NCSTN: variants seen among roughly 807,000 people sequenced by gnomAD.
NCSTN encodes the protein anterior pharynx-defective 2.
Under a neutral mutation model 87.0 loss-of-function variants are expected in NCSTN, and 22 were observed. The ratio of observed to expected loss-of-function variants is 0.25; its 90% confidence interval spans 0.18 to 0.36. NCSTN has a LOEUF of 0.36. Ranked by LOEUF, NCSTN falls within the 10% of genes least tolerant of loss-of-function variation. The probability of loss-of-function intolerance (pLI) is 1.00; values close to 1 mark genes in which losing one functional copy is unlikely to be tolerated. For missense variants in NCSTN, 693 were observed against 883.3 expected (o/e 0.78, Z 2.73); for synonymous variants, 306 against 327.1 (o/e 0.94, Z 0.69).
Position 160,358,426 on chromosome 1 carries a change from A to T in NCSTN, c.*155A>T. 1 of 1,005,254 alleles carries T rather than the reference A, an allele frequency of 9.9e-7. No homozygotes were observed. Among genetic ancestry groups the T allele is most frequent in the Non-Finnish European group, 1.5e-6 (1 of 661,368 alleles). 62.3% of individuals were successfully genotyped at this position (1,005,254 alleles called of 1,614,324 possible). On this transcript the variant is annotated 3_prime_UTR_variant, in exon 17 of 17. Coordinates refer to ENST00000294785, the MANE Select transcript of NCSTN (RefSeq NM_015331.3). ...GTGGAACTATCCAAAAGAGACAGGGAGAAATAAATAAATTGCCTCCCTTCC... is the reference window on the plus strand; with the variant it reads ...GTGGAACTATCCAAAAGAGACAGGGTGAAATAAATAAATTGCCTCCCTTCC...
At position 160,350,213 on chromosome 1, in the gene NCSTN, T is replaced by G; in HGVS notation, c.545T>G (p.Leu182Arg). ...GAAGACTTTAGTTTCCCCATCTTTC[T>G]TCTTGAAGATGAAAATGAAACCAAA... ...AYEDFSFPIF[L>R]LEDENETKVI... The change falls in exon 5 of 17, where the codon CTT becomes CGT. Residue 182 changes from leucine to arginine, a missense_variant. Transcript: ENST00000294785. 1 of 1,614,182 alleles carries G rather than the reference T, an allele frequency of 6.2e-7. No individual in the cohort carries two copies. The highest frequency in any genetic ancestry group is 8.5e-7 in the Non-Finnish European group (1 of 1,179,992).
chr1:160,352,254 G>C, intron 8 of NCSTN, 48 bp downstream of exon 8: 1 of 1,610,976 alleles, frequency 6.2e-7, no homozygotes, highest in Non-Finnish European at 8.5e-7. Flanking sequence ...AAAGAGGATA[G>C]TAAAGATGAG....
chr1:160,349,048 G>C lies in NCSTN; in HGVS notation c.240G>C (p.Glu80Asp). ...TTATCCACGTAGTAGAGAAAGAGGAGGACCTACAGTGGGTATTGACTGATG... is the reference window on the plus strand; with the variant it reads ...TTATCCACGTAGTAGAGAAAGAGGACGACCTACAGTGGGTATTGACTGATG... ...TGVIHVVEKE[E>D]DLQWVLTDGP... Residue 80 changes from glutamate to aspartate, a missense_variant, in exon 3 of 17, where the codon GAG becomes GAC. Physicochemically the swap from Glu to Asp is conservative, Grantham distance 45. Around this residue, in one of 4 missense-constraint regions of NCSTN, gnomAD observed 235 missense variants for 233.9 expected, o/e 1.00. Transcript: ENST00000294785. The C allele has an allele frequency of 6.2e-7, 1 of 1,614,156 alleles. No homozygotes were observed. Among genetic ancestry groups the C allele is most frequent in the Non-Finnish European group, 8.5e-7 (1 of 1,179,978 alleles).
intron 10 of NCSTN, chr1:160,353,619 T>C: frequency 1.7e-6 from 2 of 1,191,242 alleles, no homozygotes; most frequent in Non-Finnish European, 2.1e-6. Context: ...CTTTCCTCAT[T>C]GCTTGTTCAA....
At position 160,352,226 on chromosome 1, in the gene NCSTN, G is replaced by T; in HGVS notation, c.996+20G>T. On this transcript the variant is annotated intron_variant, in intron 8 of 16. Coordinates refer to ENST00000294785, the MANE Select transcript of NCSTN (RefSeq NM_015331.3). The stretch of plus-strand genomic sequence containing the variant: ...CAAGGGGTAAGGGCTCTTTGGCTGG[G>T]GTGCAATGGCAGGGAAGAAAGAGGA... The T allele has an allele frequency of 6.2e-7, 1 of 1,613,896 alleles. No individual in the cohort carries two copies. The highest frequency in any genetic ancestry group is 8.5e-7 in the Non-Finnish European group (1 of 1,179,834).
intron 15 of NCSTN, 69 bp from the exon 16 acceptor site, chr1:160,356,972 T>C (rs1649161994): frequency 2.1e-6 from 3 of 1,461,670 alleles, no homozygotes; most frequent in East Asian, 2.3e-5. Flanking sequence ...ATGGCACTGA[T>C]AGAGGGTAGA....
At position 160,350,137 on chromosome 1, in the gene NCSTN, G is replaced by T. The variant is rs1191362850; in HGVS notation, c.469G>T (p.Ala157Ser). ...CTCCAATTCCTATGGGCCAGAGTTTGCTCACTGCAGAGAAATACAGTGGAA... is the reference window on the plus strand; with the variant it reads ...CTCCAATTCCTATGGGCCAGAGTTTTCTCACTGCAGAGAAATACAGTGGAA... ...VYSNSYGPEF[A>S]HCREIQWNSL... The change falls in exon 5 of 17, where the codon GCT becomes TCT. Residue 157 changes from alanine (A) to serine (S), a missense_variant. Physicochemically the swap from Ala to Ser is moderately conservative, Grantham distance 99 (BLOSUM62 1). Coordinates refer to ENST00000294785, the MANE Select transcript of NCSTN (RefSeq NM_015331.3). 6.2e-7 allele frequency: 1 copy of T among 1,613,940 alleles called. No homozygotes were observed. Among genetic ancestry groups the T allele is most frequent in the African/African-American group, 1.3e-5 (1 of 74,900 alleles).
intron 2 of NCSTN, among the ~76,000 whole-genome samples, chr1:160,348,510 C>A (rs968681224): frequency 4.6e-5 from 7 of 152,184 alleles, no homozygotes; most frequent in Non-Finnish European, 8.8e-5. Flanking sequence ...CTAACCTCAT[C>A]TAAAACCGGC....
rs550957183 is a variant in NCSTN, at chr1:160,356,010, C to T, written c.1551+52C>T. The T allele has an allele frequency of 3.2e-5, 48 of 1,496,904 alleles. No homozygotes were observed. The Admixed American group carries it at 3.4e-4, about 11-fold the overall frequency. The allele number at this position is 1,496,904 out of a possible 1,614,324, so 92.7% of individuals were successfully genotyped here. The stretch of plus-strand genomic sequence containing the variant: ...TTTCTATTTACACAGCAAGCTGTCC[C>T]TATCCTCCCTTGCCCTAGTGTCCCA... On this transcript the variant is annotated intron_variant, in intron 13 of 16. Coordinates refer to ENST00000294785, the MANE Select transcript of NCSTN (RefSeq NM_015331.3).
rs767856563 is a variant in NCSTN, at chr1:160,349,579, C to T, written c.345C>T (p.Thr115=). ...TAATGGAGAAGCTGAAAGGGAGAAC[C>T]AGCCGAATTGCTGGTCTTGCAGTGT... ...RDLMEKLKGR[T]SRIAGLAVSL... is the part of the protein sequence containing the mutation. Residue 115 remains threonine, a synonymous_variant, in exon 4 of 17, where the codon ACC becomes ACT. Transcript: ENST00000294785. 6.2e-7 allele frequency: 1 copy of T among 1,614,108 alleles called. No individual in the cohort carries two copies.
At position 160,357,187 on chromosome 1, in the gene NCSTN, A is replaced by G. The variant is rs748936232; in HGVS notation, c.1941A>G (p.Thr647=). ...LSQWSSTEYS[T]WTESRWKDIR... is the part of the protein sequence containing the mutation. ...AGTGGAGCTCTACTGAATACTCTAC[A>G]TGGACTGAGAGCCGCTGGAAAGATA... Residue 647 remains threonine (T), a synonymous_variant, in exon 16 of 17, where the codon ACA becomes ACG. Transcript: ENST00000294785. 6 of 1,614,074 alleles carry G rather than the reference A, an allele frequency of 3.7e-6. No homozygotes were observed. The highest frequency in any genetic ancestry group is 2.2e-5 in the South Asian group (2 of 91,084).
At chr1:160,350,319 G>A (rs1201069843) in intron 5 of NCSTN, 69 bp downstream of exon 5, 5 of 1,578,646 alleles carry the variant, frequency 3.2e-6, no homozygotes, top group Non-Finnish European at 4.3e-6. Flanking sequence ...AGGTGTGGTG[G>A]TGTGTGCACG....
intron 2 of NCSTN, among the ~76,000 whole-genome samples, chr1:160,345,938 GAAAAAA>G (rs56358787): frequency 0.023 from 1,363 of 59,768 alleles, 22 homozygotes; most frequent in African/African-American, 0.083. Flanking sequence ...GACACTGTCT[GAAAAAA>G]AAAAAAAAAA....
chr1:160,348,065 G>A (rs905596531), intron 2 of NCSTN, among the ~76,000 whole-genome samples: 2 of 152,220 alleles, frequency 1.3e-5, no homozygotes, highest in African/African-American at 4.8e-5. Flanking sequence ...ATACAGCCAG[G>A]GCTGAGAACT....
At chr1:160,356,424 TA>T in intron 14 of NCSTN, 77 bp downstream of exon 14, 1 of 1,465,574 alleles carries the variant, frequency 6.8e-7, no homozygotes, top group South Asian at 1.2e-5. Flanking sequence ...TAACCTTTAT[TA>T]TTTTTTTTCT....
chr1:160,351,701 G>A lies in NCSTN; in HGVS notation c.739G>A (p.Val247Ile), dbSNP rs202069681. Reference sequence around the variant, plus strand: ...ATTGTTTGTGTCCTGCTTAGAAATCGTCTGTGACCCCCTGTCTGATTACAA... The same window carrying A: ...ATTGTTTGTGTCCTGCTTAGAAATCATCTGTGACCCCCTGTCTGATTACAA... ...QSTFSINPEI[V>I]CDPLSDYNVW... Residue 247 changes from valine to isoleucine, a missense_variant, in exon 7 of 17, where the codon GTC (valine) becomes ATC (isoleucine). Physicochemically the swap from Val to Ile is conservative, Grantham distance 29 (BLOSUM62 3). This residue lies in a region of NCSTN where 134 missense variants were observed against 226.0 expected (regional missense o/e 0.59). Transcript: ENST00000294785. The A allele has an allele frequency of 4.2e-5, 68 of 1,600,044 alleles. No individual in the cohort carries two copies. The highest frequency in any genetic ancestry group is 5.2e-5 in the Non-Finnish European group (61 of 1,167,294).
chr1:160,343,773 A>G (rs1169415175), intron 1 of NCSTN: 4 of 652,132 alleles, frequency 6.1e-6, no homozygotes, highest in Non-Finnish European at 1.2e-5. Context: ...CCACAACCCC[A>G]GCCACCCACC....
intron 5 of NCSTN, among the ~76,000 whole-genome samples, chr1:160,350,754 G>A (rs1417863920): frequency 6.6e-6 from 1 of 151,982 alleles, no homozygotes; most frequent in Admixed American, 6.6e-5. Flanking sequence ...AATTCAATTT[G>A]GTAATTTCTG....
chr1:160,343,836 CT>C, intron 1 of NCSTN: 1 of 533,964 alleles, frequency 1.9e-6, no homozygotes, highest in Non-Finnish European at 3.7e-6. Flanking sequence ...CGCGTTTAGA[CT>C]TTTTGAGACG....
Sources: gnomAD v4.1 joint callset for allele counts (sites outside exome capture counted in the v4.1 genomes callset) on GRCh38, gnomAD v4.1.1 for gene constraint, gnomAD v4.1.1 regional missense constraint, MANE v1.5 for transcripts, NCBI Gene and HGNC (gene_info 2026-07-23, HGNC 2026-07-21) for gene names.